The following XIRP1 variants were observed in gnomAD, a reference collection of about 807,000 sequenced individuals.
XIRP1 encodes the protein xin actin-binding repeat-containing protein 1.
For missense variants in XIRP1, 2,378 were observed against 2,345.4 expected (o/e 1.01, Z -0.29); for synonymous variants, 984 against 947.0 (o/e 1.04, Z -0.72).
chr3:39,187,889 CTG>C lies in XIRP1; in HGVS notation c.1555_1556del (p.Gln519AlafsTer36). 6.2e-7 allele frequency: 1 copy of C among 1,614,220 alleles called. No homozygotes were observed. The highest frequency in any genetic ancestry group is 2.2e-5 in the East Asian group (1 of 44,876). On this transcript the variant is annotated frameshift_variant, in exon 2 of 2. Transcript: ENST00000340369. LOFTEE classifies it low-confidence loss of function (END_TRUNC). ...VQGYRWMFETQPLDQLGRSPS... is the reference protein window; with the variant it reads ...VQGYRWMFETXPLDQLGRSPS... ...GGCTTCGGCCGAGCTGGTCTAGGGG[CTG>C]TGTCTCAAACATCCACCTGTAGCCC... is the stretch of plus-strand genomic sequence containing the variant.
In XIRP1 at chr3:39,187,153, C is replaced by T. The variant is rs774826792; in HGVS notation, c.2293G>A (p.Glu765Lys). 7 of 1,609,500 alleles carry T rather than the reference C, an allele frequency of 4.3e-6. No homozygotes were observed. The East Asian group carries it at 1.3e-4, about 31-fold the overall frequency. ...PMSPSGNRMQ[E>K]SQETAAEGTL... Reference sequence around the variant, plus strand: ...CCCTCAGCTGCAGTCTCCTGGCTCTCTTGCATCCTGTTGCCTGAGGGGCTC... The same window carrying T: ...CCCTCAGCTGCAGTCTCCTGGCTCTTTTGCATCCTGTTGCCTGAGGGGCTC... The change falls in exon 2 of 2, where the codon GAG (glutamate) becomes AAG (lysine). Residue 765 changes from glutamate to lysine, a missense_variant. Glu to Lys is a moderately conservative substitution (Grantham distance 56). Transcript: ENST00000340369.
In XIRP1 at chr3:39,186,687, G is replaced by C; in HGVS notation, c.2759C>G (p.Ala920Gly). Residue 920 changes from alanine (A) to glycine (G), a missense_variant, in exon 2 of 2, where the codon GCC (alanine) becomes GGC (glycine). Transcript: ENST00000340369. ...YSLQPRLTSKASERSSVQLLA... is the reference protein window; with the variant it reads ...YSLQPRLTSKGSERSSVQLLA... The stretch of plus-strand genomic sequence containing the variant: ...CAGCTGCACGCTGCTCCTCTCAGAG[G>C]CCTTGCTAGTTAGCCGGGGCTGCAG... The C allele has an allele frequency of 6.2e-7, 1 of 1,613,950 alleles. No homozygotes were observed. The highest frequency in any genetic ancestry group is 1.1e-5 in the South Asian group (1 of 91,086).
rs756488836 is a variant in XIRP1 at position 39,187,470 on chromosome 3, T to C, written c.1976A>G (p.Asp659Gly). The C allele has an allele frequency of 1.7e-5, 27 of 1,614,070 alleles. 1 individual carries two copies. In the South Asian group the frequency reaches 3.0e-4, roughly 18 times the overall value. Residue 659 changes from aspartate to glycine, a missense_variant, in exon 2 of 2, where the codon GAC becomes GGC. Asp to Gly is a moderately conservative substitution (Grantham distance 94). Coordinates refer to ENST00000340369, the MANE Select transcript of XIRP1 (RefSeq NM_194293.4). ...AGGCTCGGTCTCAAAGACGTGTCTGTCTGTCTGTCTTTCCCCAGCCGGGAC... is the reference window on the plus strand; with the variant it reads ...AGGCTCGGTCTCAAAGACGTGTCTGCCTGTCTGTCTTTCCCCAGCCGGGAC... ...SQVPAGERQTDRHVFETEPLQ... is the reference protein window; with the variant it reads ...SQVPAGERQTGRHVFETEPLQ...
At position 39,183,658 on chromosome 3, in the gene XIRP1, C is replaced by T; in HGVS notation, c.*256G>A. ...TGTGTGTCTGTATATATTACATCCT[C>T]CACAAGCAGCTGGGAGCCCCCATCC... is the stretch of plus-strand genomic sequence containing the variant. On this transcript the variant is annotated 3_prime_UTR_variant, in exon 2 of 2. Transcript: ENST00000340369. The T allele has an allele frequency of 1.8e-6, 1 of 560,666 alleles. No homozygotes were observed. Among genetic ancestry groups the T allele is most frequent in the Non-Finnish European group, 3.1e-6 (1 of 325,340 alleles). 34.7% of individuals were successfully genotyped at this position (560,666 alleles called of 1,614,324 possible). A position where few individuals can be genotyped will look rare whatever the true frequency, so the allele number is the denominator to read the frequency against.
intron 1 of XIRP1, among the ~76,000 whole-genome samples, chr3:39,191,749 G>A (rs2040090934): frequency 1.3e-5 from 2 of 152,168 alleles, no homozygotes; most frequent in Admixed American, 6.5e-5. Flanking sequence ...GCTGTCCTCG[G>A]GTCACCTCCT....
Position 39,186,348 on chromosome 3 carries a change from A to G in XIRP1, c.3098T>C (p.Leu1033Ser). The change falls in exon 2 of 2, where the codon TTG becomes TCG. Residue 1033 changes from leucine to serine, a missense_variant. Transcript: ENST00000340369. ...SHSGQKGMAV[L>S]GKSEGATTTP... ...AGTCGTGGCTCCTTCTGACTTTCCC[A>G]AGACTGCCATCCCTTTCTGTCCAGA... The G allele has an allele frequency of 1.2e-6, 2 of 1,614,042 alleles. No individual in the cohort carries two copies. The highest frequency in any genetic ancestry group is 1.7e-6 in the Non-Finnish European group (2 of 1,179,982).
In XIRP1 at chr3:39,184,830, A is replaced by C; in HGVS notation, c.4616T>G (p.Leu1539Arg). Residue 1539 changes from leucine to arginine, a missense_variant, in exon 2 of 2, where the codon CTG (leucine) becomes CGG (arginine). Transcript: ENST00000340369. ...CAGCCTTGCCAAGGTCTGTTCCTTC[A>C]GTTGAGCAACTTCCGTGCTGACCCG... ...LTRVSTEVAQ[L>R]KEQTLARLLD... 1 of 1,613,670 alleles carries C rather than the reference A, an allele frequency of 6.2e-7. No individual in the cohort carries two copies. The highest frequency in any genetic ancestry group is 8.5e-7 in the Non-Finnish European group (1 of 1,179,586).
chr3:39,186,084 C>T lies in XIRP1; in HGVS notation c.3362G>A (p.Ser1121Asn), dbSNP rs1292859085. ...TCTGGGTAGTGCTTGCTCTTCCCTA[C>T]TGACCTTTCTGGGGGCTGCTGGGAT... Reference protein sequence around the residue: ...PRIPAAPRKVSREEQALPRGL... With the variant: ...PRIPAAPRKVNREEQALPRGL... Residue 1121 changes from serine (S) to asparagine (N), a missense_variant, in exon 2 of 2, where the codon AGT becomes AAT. Transcript: ENST00000340369. 1 of 1,614,066 alleles carries T rather than the reference C, an allele frequency of 6.2e-7. No homozygotes were observed. The highest frequency in any genetic ancestry group is 1.1e-5 in the South Asian group (1 of 91,084).
chr3:39,183,904 G>A lies in XIRP1; in HGVS notation c.*10C>T, dbSNP rs758114682. The A allele has an allele frequency of 6.2e-6, 10 of 1,605,654 alleles. No individual in the cohort carries two copies. The highest frequency in any genetic ancestry group is 8.5e-6 in the Non-Finnish European group (10 of 1,177,990). On this transcript the variant is annotated 3_prime_UTR_variant, in exon 2 of 2. Transcript: ENST00000340369. ...GAACAGGTGGCAGGTGTGGTGGGAGGCGGTGGGCCTCACTGGGCAGCTGGC... is the reference window on the plus strand; with the variant it reads ...GAACAGGTGGCAGGTGTGGTGGGAGACGGTGGGCCTCACTGGGCAGCTGGC...
Position 39,185,515 on chromosome 3 carries a change from T to C in XIRP1, c.3931A>G (p.Thr1311Ala). The change falls in exon 2 of 2, where the codon ACC (threonine) becomes GCC (alanine). Residue 1311 changes from threonine to alanine, a missense_variant. Physicochemically the swap from Thr to Ala is moderately conservative, Grantham distance 58. Transcript: ENST00000340369. ...QRTPGGSQTK[T>A]PKLDPTMPPK... ...GGCATGGTGGGGTCCAGTTTTGGGGTCTTTGTCTGTGACCCTCCAGGGGTT... is the reference window on the plus strand; with the variant it reads ...GGCATGGTGGGGTCCAGTTTTGGGGCCTTTGTCTGTGACCCTCCAGGGGTT... 2 of 1,557,244 alleles carry C rather than the reference T, an allele frequency of 1.3e-6. No individual in the cohort carries two copies. Among genetic ancestry groups the C allele is most frequent in the Non-Finnish European group, 1.7e-6 (2 of 1,152,644 alleles).
In XIRP1 at chr3:39,188,507, T is replaced by C. The variant is rs1423038347; in HGVS notation, c.939A>G (p.Thr313=). 1 of 1,606,284 alleles carries C rather than the reference T, an allele frequency of 6.2e-7. No homozygotes were observed. The highest frequency in any genetic ancestry group is 1.7e-5 in the Admixed American group (1 of 59,816). Residue 313 remains threonine, a synonymous_variant, in exon 2 of 2, where the codon ACA becomes ACG. Transcript: ENST00000340369. ...DVSATRWIFE[T]QPLDAIREIL... ...TCTCCCGGATGGCATCCAGGGGCTGTGTCTCAAAGATCCAGCGAGTTGCAC... is the reference window on the plus strand; with the variant it reads ...TCTCCCGGATGGCATCCAGGGGCTGCGTCTCAAAGATCCAGCGAGTTGCAC...
rs764809845 is a variant in XIRP1, at chr3:39,187,283, G to A, written c.2163C>T (p.Pro721=). The A allele has an allele frequency of 8.2e-6, 13 of 1,585,740 alleles. No individual in the cohort carries two copies. The highest frequency in any genetic ancestry group is 2.2e-5 in the East Asian group (1 of 44,480). Residue 721 remains proline, a synonymous_variant, in exon 2 of 2, where the codon CCC becomes CCT. Transcript: ENST00000340369. ...AAGTGAACTTGTGGACAGAACCCGC[G>A]GGGATGGACCCAGCGATTACCCGGG... ...QEPRVIAGSI[P]AGSVHKFTWL... is the part of the protein sequence containing the mutation.
chr3:39,186,567 C>T lies in XIRP1; in HGVS notation c.2879G>A (p.Gly960Glu), dbSNP rs371157656. 6.2e-7 allele frequency: 1 copy of T among 1,611,334 alleles called. No individual in the cohort carries two copies. Among genetic ancestry groups the T allele is most frequent in the Non-Finnish European group, 8.5e-7 (1 of 1,178,368 alleles). Residue 960 changes from glycine to glutamate, a missense_variant, in exon 2 of 2, where the codon GGG (glycine) becomes GAG (glutamate). By Grantham distance (98) the Gly-to-Glu change is moderately conservative. Transcript: ENST00000340369. The stretch of plus-strand genomic sequence containing the variant: ...CTCAGTTGGGTGCAGGCTCTGGGCC[C>T]CCTCGCTGGCTGGCACTGGACTCGG... ...ADPSPVPASEGAQSLHPTESI... is the reference protein window; with the variant it reads ...ADPSPVPASEEAQSLHPTESI...
Position 39,185,659 on chromosome 3 carries a change from C to A in XIRP1, c.3787G>T (p.Ala1263Ser), listed in dbSNP as rs1164814601. Residue 1263 changes from alanine (A) to serine (S), a missense_variant, in exon 2 of 2, where the codon GCT becomes TCT. Ala to Ser is a moderately conservative substitution (Grantham distance 99, BLOSUM62 1). Coordinates refer to ENST00000340369, the MANE Select transcript of XIRP1 (RefSeq NM_194293.4). ...FVPPPPTLPA[A>S]VTGPDFPAGA... The stretch of plus-strand genomic sequence containing the variant: ...GCTGGAAAGTCAGGTCCTGTCACAG[C>A]AGCTGGGAGAGTAGGAGGAGGAGGA... 1 of 1,613,490 alleles carries A rather than the reference C, an allele frequency of 6.2e-7. No homozygotes were observed. The highest frequency in any genetic ancestry group is 1.1e-5 in the South Asian group (1 of 90,974).
chr3:39,189,551 C>G, intron 1 of XIRP1, 26 bp from the exon 2 acceptor site: 1 of 1,493,138 alleles, frequency 6.7e-7, no homozygotes, highest in Non-Finnish European at 9.0e-7. Flanking sequence ...GTAAACAGGG[C>G]TCAGAGTCAG....
rs2039953739 is a variant in XIRP1, at chr3:39,185,604, T to C, written c.3842A>G (p.Gln1281Arg). ...AGAHRAEDSI[Q>R]QASEPLKDPL... The stretch of plus-strand genomic sequence containing the variant: ...GTCCTTCAGGGGCTCAGAGGCTTGC[T>C]GGATGGAGTCCTCAGCACGGTGGGC... Residue 1281 changes from glutamine (Q) to arginine (R), a missense_variant, in exon 2 of 2, where the codon CAG (glutamine) becomes CGG (arginine). Transcript: ENST00000340369. 1 of 1,607,154 alleles carries C rather than the reference T, an allele frequency of 6.2e-7. No individual in the cohort carries two copies. The highest frequency in any genetic ancestry group is 8.5e-7 in the Non-Finnish European group (1 of 1,176,360).
At position 39,184,037 on chromosome 3, in the gene XIRP1, G is replaced by A. The variant is rs376790688; in HGVS notation, c.5409C>T (p.Leu1803=). ...TCAGCAAGGGGGAGGCGTGGAGCCC[G>A]AGGTGGGAGCCTGGGTTCCTGGGTG... ...AEPPRNPGSH[L]GLHASPLLRQ... Residue 1803 remains leucine, a synonymous_variant, in exon 2 of 2, where the codon CTC becomes CTT. Coordinates refer to ENST00000340369, the MANE Select transcript of XIRP1 (RefSeq NM_194293.4). The A allele has an allele frequency of 1.7e-5, 28 of 1,612,224 alleles. No homozygotes were observed. Among genetic ancestry groups the A allele is most frequent in the Non-Finnish European group, 1.9e-5 (22 of 1,179,076 alleles).
Position 39,188,135 on chromosome 3 carries a change from A to G in XIRP1, c.1311T>C (p.Asp437=), listed in dbSNP as rs761984008. 1 of 1,614,050 alleles carries G rather than the reference A, an allele frequency of 6.2e-7. No homozygotes were observed. Residue 437 remains aspartate, a synonymous_variant, in exon 2 of 2, where the codon GAT becomes GAC. Transcript: ENST00000340369. ...SAPQRDELKG[D]VKTFKNLFET... Reference sequence around the variant, plus strand: ...CAAAAAGGTTCTTAAAAGTCTTCACATCCCCCTTTAGCTCATCCCTCTGGG... The same window carrying G: ...CAAAAAGGTTCTTAAAAGTCTTCACGTCCCCCTTTAGCTCATCCCTCTGGG...
chr3:39,188,756 CTT>C lies in XIRP1; in HGVS notation c.688_689del (p.Lys230AspfsTer22). On this transcript the variant is annotated frameshift_variant, in exon 2 of 2. Transcript: ENST00000340369. LOFTEE classifies it low-confidence loss of function (END_TRUNC). ...GCTCCGTTTGGAAGAGCTTCACTGT[CTT>C]TTTCACATCACCCTTCAGCTCCTGG... ...EIQELKGDVK[K>X]TVKLFQTEPL... is the part of the protein sequence containing the mutation. 1 of 1,613,774 alleles carries C rather than the reference CTT, an allele frequency of 6.2e-7. No homozygotes were observed. Among genetic ancestry groups the C allele is most frequent in the African/African-American group, 1.3e-5 (1 of 75,070 alleles).
Sources: gnomAD v4.1 joint callset for allele counts (sites outside exome capture counted in the v4.1 genomes callset) on GRCh38, gnomAD v4.1.1 for gene constraint, MANE v1.5 for transcripts, NCBI Gene and HGNC (gene_info 2026-07-23, HGNC 2026-07-21) for gene names.